The following GSN variants were observed in gnomAD, a reference collection of about 807,000 sequenced individuals.
GSN encodes the protein gelsolin.
In GSN, 56 loss-of-function variants were observed where a neutral mutation model predicts 85.7. The observed-to-expected ratio is 0.65, with a 90% CI of 0.53 to 0.82. The LOEUF is 0.82. GSN is among the 40% of genes least tolerant of loss of function. GSN has a pLI of 0.00. For synonymous variants in GSN, 373 were observed against 399.1 expected, an observed-to-expected ratio of 0.93 and a Z score of 0.78; for missense variants, 857 against 979.8, an observed-to-expected ratio of 0.87 and a Z score of 1.67.
At chr9:121,238,607 ATTCCCCTTT>A in intron 5 of GSN, 1 of 234,876 alleles carries the variant, frequency 4.3e-6, no homozygotes, top group Non-Finnish European at 8.4e-6. Context: ...TCCTTAATAA[ATTCCCCTTT>A]ATGTAGATAT....
In GSN at chr9:121,238,775, C is replaced by T. The variant is rs2054545845; in HGVS notation, c.-389+7472C>T. On this transcript the variant is annotated intron_variant, in intron 5 of 24. Transcript: ENST00000373823. Reference sequence around the variant, plus strand: ...CATGAGGACCCTGAAAAATAAAGTTCCTCTCAAACTTCTGCAGAAATTCCA... The same window carrying T: ...CATGAGGACCCTGAAAAATAAAGTTTCTCTCAAACTTCTGCAGAAATTCCA... The T allele has an allele frequency of 6.0e-6, 3 of 502,656 alleles. No individual in the cohort carries two copies. In the Admixed American group the frequency reaches 6.4e-5, roughly 11 times the overall value. The allele number at this position is 502,656 out of a possible 1,614,324, so 31.1% of individuals were successfully genotyped here.
At chr9:121,241,062 TA>T (rs754810096) in intron 5 of GSN, among the ~76,000 whole-genome samples, 1 of 152,154 alleles carries the variant, frequency 6.6e-6, no homozygotes, top group Non-Finnish European at 1.5e-5. Context: ...ATCAAGTTAC[TA>T]ACTGGAAATA....
chr9:121,310,629 A>C (rs2060995589), intron 4 of GSN, 55 bp from the exon 5 acceptor site: 2 of 1,572,582 alleles, frequency 1.3e-6, no homozygotes, highest in Non-Finnish European at 1.7e-6. Flanking sequence ...CTTCTTCCAT[A>C]TCTGCTTCCC....
rs141546999 is a variant in GSN at position 121,252,376 on chromosome 9, G to T, written c.-341+4053G>T. 1.5e-3 allele frequency among the ~76,000 whole-genome samples: 221 copies of T among 152,332 alleles called. 1 individual carries two copies. Among genetic ancestry groups the T allele is most frequent in the African/African-American group, 5.1e-3 (210 of 41,576 alleles). On this transcript the variant is annotated intron_variant, in intron 6 of 24. Transcript: ENST00000373823. ...GGCCAGTGGTGGATTATGAGTTTGG[G>T]AAGGTGGACAGTGGCAGGAAATGAA...
intron 1 of GSN, among the ~76,000 whole-genome samples, chr9:121,276,466 C>T (rs1036390251): frequency 6.6e-6 from 1 of 152,208 alleles, no homozygotes; most frequent in Admixed American, 6.5e-5. Context: ...CACAAAGGAC[C>T]GAATGACTTG....
intron 2 of GSN, among the ~76,000 whole-genome samples, chr9:121,301,607 C>T (rs1279020734): frequency 2.3e-5 from 3 of 131,450 alleles, no homozygotes; most frequent in African/African-American, 8.8e-5. Flanking sequence ...GACTGGACAA[C>T]AGTGCGAGAC....
At chr9:121,301,256 C>G (rs962138588) in intron 2 of GSN, among the ~76,000 whole-genome samples, 2 of 152,244 alleles carry the variant, frequency 1.3e-5, no homozygotes, top group Non-Finnish European at 2.9e-5. Flanking sequence ...CCCTGCTACA[C>G]TGTTTCCTAG....
chr9:121,294,327 AT>A (rs2059003828), intron 2 of GSN, among the ~76,000 whole-genome samples: 1 of 152,040 alleles, frequency 6.6e-6, no homozygotes, highest in South Asian at 2.1e-4. Context: ...TAGGACAGTT[AT>A]TTGCAGCCCT....
upstream of GSN, chr9:121,203,402 T>A (rs974724200): frequency 6.6e-6 from 1 of 152,290 alleles, no homozygotes; most frequent in Non-Finnish European, 1.5e-5. Context: ...GCCACTGCAC[T>A]CCAGCCTGGG....
chr9:121,288,191 G>C (rs773749409), intron 2 of GSN, among the ~76,000 whole-genome samples: 8 of 152,122 alleles, frequency 5.3e-5, no homozygotes, highest in Non-Finnish European at 8.8e-5. Context: ...GCCTTCCAAA[G>C]TGCTGGGATT....
intron 5 of GSN, among the ~76,000 whole-genome samples, chr9:121,236,996 T>C (rs2054508131): frequency 6.6e-6 from 1 of 152,206 alleles, no homozygotes; most frequent in African/African-American, 2.4e-5. Context: ...AGGTTTTTCT[T>C]TCTTCTTTTG....
At chr9:121,319,795 T>C (rs2133709550) in intron 10 of GSN, among the ~76,000 whole-genome samples, 1 of 152,148 alleles carries the variant, frequency 6.6e-6, no homozygotes, top group African/African-American at 2.4e-5. Flanking sequence ...GTTCTAATAC[T>C]GTAGGGGAAA....
At chr9:121,290,276 CGTGCCAGGGACT>C (rs2058561720) in intron 2 of GSN, among the ~76,000 whole-genome samples, 1 of 152,146 alleles carries the variant, frequency 6.6e-6, no homozygotes, top group Non-Finnish European at 1.5e-5. Context: ...AGCCCAGCTT[CGTGCCAGGGACT>C]GTATTTTAGG....
At chr9:121,286,132 C>T (rs1175656859) in intron 2 of GSN, 7 of 1,535,490 alleles carry the variant, frequency 4.6e-6, no homozygotes, top group Non-Finnish European at 6.1e-6. Flanking sequence ...CATAGCTCCC[C>T]CCAGCCTCGC....
intron 6 of GSN, among the ~76,000 whole-genome samples, chr9:121,256,406 G>T (rs2054960675): frequency 6.6e-6 from 1 of 152,150 alleles, no homozygotes; most frequent in Non-Finnish European, 1.5e-5. Flanking sequence ...AAGTCATTAT[G>T]TTAAGTGAAA....
At chr9:121,227,392 TAA>T (rs879564129) in intron 4 of GSN, among the ~76,000 whole-genome samples, 16 of 140,966 alleles carry the variant, frequency 1.1e-4, no homozygotes, top group Admixed American at 2.1e-4. Context: ...AGACTCCATC[TAA>T]AAAAAAAAAA....
intron 6 of GSN, among the ~76,000 whole-genome samples, chr9:121,253,476 G>A (rs1260063005): frequency 1.3e-5 from 2 of 152,134 alleles, no homozygotes; most frequent in Non-Finnish European, 2.9e-5. Flanking sequence ...TGGGCCCAGA[G>A]CCCCATTCCC....
intron 4 of GSN, among the ~76,000 whole-genome samples, chr9:121,220,302 C>T (rs931627979): frequency 2.3e-4 from 34 of 149,296 alleles, no homozygotes; most frequent in East Asian, 4.0e-4. Flanking sequence ...GGACACCAGC[C>T]GGGGCCGAGG....
rs1301241460 is a variant in GSN at position 121,299,296 on chromosome 9, C to T, written c.-9-2667C>T. On this transcript the variant is annotated intron_variant, in intron 2 of 17. Transcript: ENST00000432226. This position sits in a 1 kb window ranked among gnomAD's most constrained non-coding sequence, Gnocchi z 4.2. Reference sequence around the variant, plus strand: ...GGGAGCCGGGTCCCCTGCCCTGCTGCGGCGCATGCTGCCTGGTGGGGGTTC... The same window carrying T: ...GGGAGCCGGGTCCCCTGCCCTGCTGTGGCGCATGCTGCCTGGTGGGGGTTC... 2 of 985,044 alleles carry T rather than the reference C, an allele frequency of 2.0e-6. No homozygotes were observed. Among genetic ancestry groups the T allele is most frequent in the South Asian group, 4.7e-5 (1 of 21,284 alleles). 61.0% of individuals were successfully genotyped at this position (985,044 alleles called of 1,614,324 possible).
Sources: gnomAD v4.1 joint callset for allele counts (sites outside exome capture counted in the v4.1 genomes callset) on GRCh38, gnomAD v4.1.1 for gene constraint, Gnocchi (gnomAD v3.1) non-coding constraint, MANE v1.5 for transcripts, NCBI Gene and HGNC (gene_info 2026-07-23, HGNC 2026-07-21) for gene names.